Variants in RALGAPB observed in about 807,000 individuals in gnomAD.
RALGAPB encodes the protein Ral GTPase activating protein non-catalytic subunit beta.
RALGAPB carries 25 observed loss-of-function variants against 161.1 expected under a neutral mutation model. That is an observed-to-expected ratio of 0.16 (90% confidence interval 0.11 to 0.22). RALGAPB has a LOEUF of 0.22. RALGAPB is among the 10% of genes least tolerant of loss of function. The probability of loss-of-function intolerance (pLI) is 1.00; values close to 1 mark genes in which losing one functional copy is unlikely to be tolerated. For missense variants in RALGAPB, 1,391 were observed against 1,815.2 expected (o/e 0.77, Z 4.25); for synonymous variants, 629 against 626.1 (o/e 1.00, Z -0.07).
At chr20:38,524,209 G>A (rs2086384964) in intron 10 of RALGAPB, among the ~76,000 whole-genome samples, 1 of 152,148 alleles carries the variant, frequency 6.6e-6, no homozygotes, top group Non-Finnish European at 1.5e-5. Context: ...ATCTTATTCA[G>A]GTGACCTTCA....
Position 38,576,983 on chromosome 20 carries a change from A to G in RALGAPB, c.*2016A>G, listed in dbSNP as rs905948848. On this transcript the variant is annotated 3_prime_UTR_variant, in exon 30 of 30. Transcript: ENST00000262879. ...GGTTGGTCTTGCTGATCCTTCAGTT[A>G]GCTCTAAATTCTGGCAACTCCTTGT... is the stretch of plus-strand genomic sequence containing the variant. 1.3e-5 allele frequency: 2 copies of G among 152,626 alleles called. No homozygotes were observed. The highest frequency in any genetic ancestry group is 2.9e-5 in the Non-Finnish European group (2 of 68,044). The allele number at this position is 152,626 out of a possible 1,614,324, so 9.5% of individuals were successfully genotyped here.
chr20:38,550,201 G>A (rs570934400), intron 20 of RALGAPB, among the ~76,000 whole-genome samples: 5 of 152,242 alleles, frequency 3.3e-5, no homozygotes, highest in South Asian at 4.1e-4. Flanking sequence ...GCTAGATGAC[G>A]AGTTAGTGGG....
intron 10 of RALGAPB, 106 bp downstream of exon 10, chr20:38,521,804 G>T: frequency 8.7e-7 from 1 of 1,153,334 alleles, no homozygotes; most frequent in African/African-American, 1.5e-5. Context: ...AATACCTACA[G>T]ATGTCTGTAA....
chr20:38,562,465 A>G (rs899962531), intron 23 of RALGAPB, 67 bp from the exon 24 acceptor site: 4 of 1,352,006 alleles, frequency 3.0e-6, no homozygotes, highest in African/African-American at 3.0e-5. Flanking sequence ...ACCAATTTTT[A>G]TGAAGATTTA....
intron 22 of RALGAPB, among the ~76,000 whole-genome samples, chr20:38,554,849 AG>A (rs1225512659): frequency 1.3e-5 from 2 of 152,202 alleles, no homozygotes; most frequent in Non-Finnish European, 2.9e-5. Flanking sequence ...AGCCCAAGGC[AG>A]GAGGATCACA....
chr20:38,542,851 G>A (rs1284329932), intron 18 of RALGAPB, among the ~76,000 whole-genome samples: 1 of 151,826 alleles, frequency 6.6e-6, no homozygotes, highest in Non-Finnish European at 1.5e-5. Flanking sequence ...GCAACAGAGT[G>A]AGATTCCATC....
At position 38,541,024 on chromosome 20, in the gene RALGAPB, G is replaced by A. The variant is rs760246844; in HGVS notation, c.2563-17G>A. Reference sequence around the variant, plus strand: ...AAAGGTGTGTTCTAAAAATTGATCTGCCTTTCCTGCTTTTAGGACTGCCTT... The same window carrying A: ...AAAGGTGTGTTCTAAAAATTGATCTACCTTTCCTGCTTTTAGGACTGCCTT... On this transcript the variant is annotated splice_polypyrimidine_tract_variant and intron_variant, in intron 17 of 29. Coordinates refer to ENST00000262879, the MANE Select transcript of RALGAPB (RefSeq NM_020336.4). 3 of 1,611,576 alleles carry A rather than the reference G, an allele frequency of 1.9e-6. No individual in the cohort carries two copies. The highest frequency in any genetic ancestry group is 1.3e-5 in the African/African-American group (1 of 74,988).
chr20:38,535,728 G>A (rs1429690815), intron 16 of RALGAPB, among the ~76,000 whole-genome samples: 3 of 152,072 alleles, frequency 2.0e-5, no homozygotes, highest in African/African-American at 7.2e-5. Context: ...GGGATTACAG[G>A]CATACGCCAT....
chr20:38,559,540 C>CA (rs2087715329), intron 23 of RALGAPB, among the ~76,000 whole-genome samples: 1 of 152,124 alleles, frequency 6.6e-6, no homozygotes. Flanking sequence ...ACTGAAAATA[C>CA]AAAAATTAGC....
intron 16 of RALGAPB, chr20:38,537,618 A>T (rs2086847117): frequency 6.6e-6 from 1 of 152,240 alleles, no homozygotes; most frequent in African/African-American, 2.4e-5. Context: ...AAACACTGTT[A>T]AAAGAATGAG....
chr20:38,533,105 G>A (rs765372325), intron 15 of RALGAPB, among the ~76,000 whole-genome samples: 77 of 152,244 alleles, frequency 5.1e-4, no homozygotes, highest in Non-Finnish European at 6.5e-4. Flanking sequence ...TGGGTGATCA[G>A]TAAACATTTC....
intron 23 of RALGAPB, among the ~76,000 whole-genome samples, chr20:38,562,077 A>G (rs775838806): frequency 6.6e-6 from 1 of 152,144 alleles, no homozygotes; most frequent in African/African-American, 2.4e-5. Flanking sequence ...ATTACACCTA[A>G]TGTTTATTGA....
intron 1 of RALGAPB, among the ~76,000 whole-genome samples, 159 bp downstream of exon 1, chr20:38,473,228 C>CG (rs2084702678): frequency 6.6e-6 from 1 of 152,144 alleles, no homozygotes; most frequent in African/African-American, 2.4e-5. Flanking sequence ...GGGAGACCCA[C>CG]GGGGGCGGGG....
intron 3 of RALGAPB, among the ~76,000 whole-genome samples, chr20:38,494,874 A>AATTAATG (rs2085376365): frequency 6.6e-6 from 1 of 152,224 alleles, no homozygotes; most frequent in Admixed American, 6.5e-5. Context: ...GATGAAAAAA[A>AATTAATG]ATTAATGGCA....
intron 3 of RALGAPB, among the ~76,000 whole-genome samples, chr20:38,494,681 A>G (rs1424648481): frequency 1.3e-5 from 2 of 152,174 alleles, no homozygotes; most frequent in East Asian, 3.8e-4. Flanking sequence ...GAGTACTTAG[A>G]ATATTGTTTA....
At chr20:38,532,500 A>G (rs1467924841) in intron 14 of RALGAPB, among the ~76,000 whole-genome samples, 2 of 152,236 alleles carry the variant, frequency 1.3e-5, no homozygotes, top group Non-Finnish European at 2.9e-5. Flanking sequence ...GTGGCAAAGA[A>G]GACCCCAGTA....
At chr20:38,567,287 A>G (rs2088041715) in intron 26 of RALGAPB, 55 bp downstream of exon 26, 4 of 1,578,342 alleles carry the variant, frequency 2.5e-6, no homozygotes, top group East Asian at 4.5e-5. Flanking sequence ...CAGGGTAATT[A>G]TAGAATCCTG....
rs893998526 is a variant in RALGAPB at position 38,578,346 on chromosome 20, TC to T, written c.*3380del. 3 of 152,260 alleles carry T rather than the reference TC, an allele frequency of 2.0e-5. No homozygotes were observed. The highest frequency in any genetic ancestry group is 7.2e-5 in the African/African-American group (3 of 41,464). 9.4% of individuals were successfully genotyped at this position (152,260 alleles called of 1,614,324 possible). ...AAGCCATGTACTTCTAGTGTGTTTC[TC>T]AGAATATCAACTCATGTTCTTCAGA... On this transcript the variant is annotated 3_prime_UTR_variant, in exon 30 of 30. Transcript: ENST00000262879.
At chr20:38,510,778 C>T (rs1334975316) in intron 6 of RALGAPB, among the ~76,000 whole-genome samples, 4 of 140,370 alleles carry the variant, frequency 2.8e-5, no homozygotes, top group Non-Finnish European at 6.0e-5. Flanking sequence ...GGCGTAGTGG[C>T]GGGCGCCTGT....
Sources: gnomAD v4.1 joint callset for allele counts (sites outside exome capture counted in the v4.1 genomes callset) on GRCh38, gnomAD v4.1.1 for gene constraint, MANE v1.5 for transcripts, NCBI Gene and HGNC (gene_info 2026-07-23, HGNC 2026-07-21) for gene names.